SUPT5H: variants seen among roughly 807,000 people sequenced by gnomAD.
SUPT5H encodes transcription elongation factor SPT5.
In SUPT5H, 24 loss-of-function variants were observed where a neutral mutation model predicts 142.5. The ratio of observed to expected loss-of-function variants is 0.17; its 90% CI spans 0.12 to 0.24. The LOEUF (loss-of-function observed/expected upper bound fraction) is 0.24, where lower values mean the gene tolerates loss of function less well. Ranked by LOEUF, SUPT5H falls within the 10% of genes least tolerant of loss-of-function variation. The pLI is 1.00. For missense variants in SUPT5H, 893 were observed against 1,471.8 expected (o/e 0.61, Z 6.43); for synonymous variants, 546 against 553.0 (o/e 0.99, Z 0.18).
chr19:39,449,261 G>T (rs2078990686), intron 2 of SUPT5H, among the ~76,000 whole-genome samples: 1 of 151,970 alleles, frequency 6.6e-6, no homozygotes. Flanking sequence ...GCAGAGAGTG[G>T]TGGGGGCATC....
chr19:39,448,989 C>T (rs180830935), intron 2 of SUPT5H, among the ~76,000 whole-genome samples: 2 of 142,592 alleles, frequency 1.4e-5, no homozygotes, highest in African/African-American at 5.1e-5. Flanking sequence ...ACTTGGGAGG[C>T]TGAGGCAGGA....
At chr19:39,446,586 G>C (rs1049491406) in intron 2 of SUPT5H, among the ~76,000 whole-genome samples, 1 of 152,186 alleles carries the variant, frequency 6.6e-6, no homozygotes, top group Non-Finnish European at 1.5e-5. Flanking sequence ...GCAGAGATGG[G>C]AGTGTGTCCG....
chr19:39,474,751 C>A lies in SUPT5H; in HGVS notation c.3024+33C>A. ...GGGCCCAGGGTGGTGGGTGAGCAGGCATCCTCTCCTTGGTACCCCCTAAAC... is the reference window on the plus strand; with the variant it reads ...GGGCCCAGGGTGGTGGGTGAGCAGGAATCCTCTCCTTGGTACCCCCTAAAC... On this transcript the variant is annotated intron_variant, in intron 28 of 29. Coordinates refer to ENST00000432763, the MANE Select transcript of SUPT5H (RefSeq NM_001111020.3). This position sits in a 1 kb window ranked among gnomAD's most constrained non-coding sequence, Gnocchi z 6.5. 1 of 1,578,304 alleles carries A rather than the reference C, an allele frequency of 6.3e-7. No individual in the cohort carries two copies. Among genetic ancestry groups the A allele is most frequent in the South Asian group, 1.1e-5 (1 of 87,270 alleles).
chr19:39,459,385 G>A (rs978899112), intron 8 of SUPT5H, 136 bp downstream of exon 8: 2 of 1,338,744 alleles, frequency 1.5e-6, no homozygotes, highest in Admixed American at 3.8e-5. Flanking sequence ...GGGGTAGGGA[G>A]GGCAAGGTGG....
chr19:39,470,618 C>A lies in SUPT5H; in HGVS notation c.1677+95C>A. On this transcript the variant is annotated intron_variant, in intron 18 of 29. Coordinates refer to ENST00000432763, the MANE Select transcript of SUPT5H (RefSeq NM_001111020.3). This position sits in a 1 kb window ranked among gnomAD's most constrained non-coding sequence, Gnocchi z 5.8. ...GGGAGGTGGCAGAGCCCCCAGACTGCTCTGGGTTGCAGATCTGGCTCTGTC... is the reference window on the plus strand; with the variant it reads ...GGGAGGTGGCAGAGCCCCCAGACTGATCTGGGTTGCAGATCTGGCTCTGTC... 7.3e-7 allele frequency: 1 copy of A among 1,367,172 alleles called. No individual in the cohort carries two copies. Among genetic ancestry groups the A allele is most frequent in the Non-Finnish European group, 9.7e-7 (1 of 1,029,050 alleles). 84.7% of individuals were successfully genotyped at this position (1,367,172 alleles called of 1,614,324 possible).
chr19:39,450,564 C>T (rs1032783736), intron 2 of SUPT5H, among the ~76,000 whole-genome samples: 15 of 152,106 alleles, frequency 9.9e-5, no homozygotes, highest in African/African-American at 2.2e-4. Flanking sequence ...TGGTGGGGAA[C>T]GGGGAGAGGC....
At chr19:39,461,511 C>A (rs2146100386) in intron 10 of SUPT5H, among the ~76,000 whole-genome samples, 1 of 151,996 alleles carries the variant, frequency 6.6e-6, no homozygotes, top group South Asian at 2.1e-4. Flanking sequence ...GACATAGTGA[C>A]AACTGATTTC....
rs1010274663 is a variant in SUPT5H, at chr19:39,473,585, C to G, written c.2492+64C>G. The G allele has an allele frequency of 3.2e-6, 5 of 1,541,804 alleles. No homozygotes were observed. Among genetic ancestry groups the G allele is most frequent in the Non-Finnish European group, 4.4e-6 (5 of 1,139,382 alleles). On this transcript the variant is annotated intron_variant, in intron 25 of 29. Coordinates refer to ENST00000432763, the MANE Select transcript of SUPT5H (RefSeq NM_001111020.3). The surrounding 1 kb of genome is among the most constrained non-coding windows in gnomAD (Gnocchi z 5.8). The stretch of plus-strand genomic sequence containing the variant: ...GTGTGTGAGGGATGATGCTGGGTGT[C>G]TGGGGCATTGGAGGGGTTTGTGGGG...
intron 3 of SUPT5H, among the ~76,000 whole-genome samples, chr19:39,456,655 T>A (rs1393126989): frequency 6.6e-6 from 1 of 151,986 alleles, no homozygotes; most frequent in African/African-American, 2.4e-5. Context: ...CCTGTCCTCA[T>A]GATCCACCCG....
At chr19:39,446,618 G>T (rs932837347) in intron 2 of SUPT5H, among the ~76,000 whole-genome samples, 1 of 152,172 alleles carries the variant, frequency 6.6e-6, no homozygotes, top group Non-Finnish European at 1.5e-5. Context: ...GATTAACGAG[G>T]ATTTGAGAGG....
intron 2 of SUPT5H, among the ~76,000 whole-genome samples, chr19:39,452,141 T>C (rs781768341): frequency 1.4e-4 from 22 of 152,030 alleles, no homozygotes; most frequent in Non-Finnish European, 2.8e-4. Flanking sequence ...TGTCGGTAAT[T>C]GGAGGAGGCC....
chr19:39,470,828 C>T lies in SUPT5H; in HGVS notation c.1677+305C>T, dbSNP rs1174152273. Reference sequence around the variant, plus strand: ...CTCAAGGATGGAGTGCCACATGTGCCCTCCTGCCTTTGCTCCTTCCTCATG... The same window carrying T: ...CTCAAGGATGGAGTGCCACATGTGCTCTCCTGCCTTTGCTCCTTCCTCATG... On this transcript the variant is annotated intron_variant, in intron 18 of 29. Transcript: ENST00000432763. This position sits in a 1 kb window ranked among gnomAD's most constrained non-coding sequence, Gnocchi z 5.8. Among the ~76,000 whole-genome samples, 2 of 152,134 alleles carry T rather than the reference C, an allele frequency of 1.3e-5. No homozygotes were observed. The highest frequency in any genetic ancestry group is 2.4e-5 in the African/African-American group (1 of 41,422).
Position 39,469,848 on chromosome 19 carries a change from G to A in SUPT5H, c.1375-271G>A. Reference sequence around the variant, plus strand: ...CCAGTCGGGGGTCCTGTGTCTGAGGGGCAGGCTCTCTGTGTGGGTATAGGT... The same window carrying A: ...CCAGTCGGGGGTCCTGTGTCTGAGGAGCAGGCTCTCTGTGTGGGTATAGGT... On this transcript the variant is annotated intron_variant, in intron 16 of 29. Transcript: ENST00000432763. This position sits in a 1 kb window ranked among gnomAD's most constrained non-coding sequence, Gnocchi z 5.1. The A allele has an allele frequency of 4.0e-6, 2 of 498,718 alleles. No homozygotes were observed. Among genetic ancestry groups the A allele is most frequent in the South Asian group, 4.5e-5 (2 of 43,958 alleles). The allele number at this position is 498,718 out of a possible 1,614,324, so 30.9% of individuals were successfully genotyped here.
chr19:39,468,899 G>A (rs1481735300), intron 14 of SUPT5H, 38 bp downstream of exon 14: 7 of 1,598,442 alleles, frequency 4.4e-6, no homozygotes, highest in East Asian at 2.2e-5. Context: ...TGGGGGTGGT[G>A]TGAGTGTTCT....
intron 10 of SUPT5H, among the ~76,000 whole-genome samples, chr19:39,460,850 C>G (rs1217963865): frequency 6.6e-6 from 1 of 152,164 alleles, no homozygotes; most frequent in African/African-American, 2.4e-5. Flanking sequence ...AGGGTGCTGG[C>G]TGGTAACTTT....
In SUPT5H at chr19:39,476,424, T is replaced by C. The variant is rs749195867; in HGVS notation, c.*25T>C. ...AAGCAGGCAGGGCCGGTGGACTTCGTCGGATGAAGAGTGATCCTCCTTCCT... is the reference window on the plus strand; with the variant it reads ...AAGCAGGCAGGGCCGGTGGACTTCGCCGGATGAAGAGTGATCCTCCTTCCT... On this transcript the variant is annotated 3_prime_UTR_variant, in exon 30 of 30. Coordinates refer to ENST00000432763, the MANE Select transcript of SUPT5H (RefSeq NM_001111020.3). 3.1e-6 allele frequency: 5 copies of C among 1,613,278 alleles called. No homozygotes were observed. The highest frequency in any genetic ancestry group is 1.1e-5 in the South Asian group (1 of 91,064).
rs777589933 is a variant in SUPT5H, at chr19:39,474,151, C to G, written c.2651+30C>G. 1 of 1,607,240 alleles carries G rather than the reference C, an allele frequency of 6.2e-7. No homozygotes were observed. The highest frequency in any genetic ancestry group is 8.5e-7 in the Non-Finnish European group (1 of 1,176,512). The stretch of plus-strand genomic sequence containing the variant: ...GTCCACTGGGGCCTGCCCTCGTCTA[C>G]CCCTGCCCAAACCCTCCTACTGCCA... On this transcript the variant is annotated intron_variant, in intron 26 of 29. Transcript: ENST00000432763. This position sits in a 1 kb window ranked among gnomAD's most constrained non-coding sequence, Gnocchi z 6.5.
At position 39,474,764 on chromosome 19, in the gene SUPT5H, G is replaced by T. The variant is rs1421030952; in HGVS notation, c.3024+46G>T. ...TGGGTGAGCAGGCATCCTCTCCTTG[G>T]TACCCCCTAAACTGGAGACAGACCT... On this transcript the variant is annotated intron_variant, in intron 28 of 29. Transcript: ENST00000432763. The surrounding 1 kb of genome is among the most constrained non-coding windows in gnomAD (Gnocchi z 6.5). 1.9e-6 allele frequency: 3 copies of T among 1,558,048 alleles called. No homozygotes were observed. The highest frequency in any genetic ancestry group is 1.2e-5 in the South Asian group (1 of 85,316).
intron 3 of SUPT5H, among the ~76,000 whole-genome samples, chr19:39,454,209 T>G (rs1329808537): frequency 1.3e-5 from 2 of 152,230 alleles, no homozygotes; most frequent in African/African-American, 4.8e-5. Flanking sequence ...ATGTAAATGC[T>G]AAATTTCAAT....
Sources: gnomAD v4.1 joint callset for allele counts (sites outside exome capture counted in the v4.1 genomes callset) on GRCh38, gnomAD v4.1.1 for gene constraint, Gnocchi (gnomAD v3.1) non-coding constraint, MANE v1.5 for transcripts, NCBI Gene and HGNC (gene_info 2026-07-23, HGNC 2026-07-21) for gene names.